The following CORIN variants were observed in gnomAD, a reference collection of about 807,000 sequenced individuals.
CORIN encodes the protein corin, serine peptidase.
Under a neutral mutation model 125.3 loss-of-function variants are expected in CORIN, and 117 were observed. The observed-to-expected ratio is 0.93, with a 90% CI of 0.80 to 1.09. The LOEUF is 1.09. Among genes scored for constraint, CORIN ranks in the 50% least tolerant of loss-of-function variants. The pLI, the probability that CORIN is intolerant of heterozygous loss-of-function variation, is 0.00. For missense variants in CORIN, 1,253 were observed against 1,306.7 expected (o/e 0.96, Z 0.63); for synonymous variants, 450 against 466.4 (o/e 0.96, Z 0.45).
chr4:47,603,553 G>A lies in CORIN; in HGVS notation c.2656C>T (p.Arg886Ter), dbSNP rs566304016. 2.8e-5 allele frequency: 45 copies of A among 1,614,154 alleles called. No individual in the cohort carries two copies. The highest frequency in any genetic ancestry group is 5.5e-5 in the South Asian group (5 of 91,082). ...KTIILHPRYSRAVVDYDISIV... is the reference protein window; with the variant it reads ...KTIILHPRYS Reference sequence around the variant, plus strand: ...CTGATGTCATAGTCCACCACTGCTCGACTGTAGCGGGGATGCAGGATGATG... The same window carrying A: ...CTGATGTCATAGTCCACCACTGCTCAACTGTAGCGGGGATGCAGGATGATG... The change falls in exon 20 of 22, where the codon CGA becomes TGA. Residue 886 changes from arginine to a stop codon, truncating the protein, a stop_gained. Coordinates refer to ENST00000273857, the MANE Select transcript of CORIN (RefSeq NM_006587.4). LOFTEE classifies it high-confidence loss of function.
intron 1 of CORIN, among the ~76,000 whole-genome samples, chr4:47,820,638 C>A (rs1350553382): frequency 6.6e-6 from 1 of 151,786 alleles, no homozygotes; most frequent in African/African-American, 2.4e-5. Flanking sequence ...CTATCAGAAG[C>A]AAACCAAAAC....
intron 5 of CORIN, among the ~76,000 whole-genome samples, chr4:47,730,871 C>T (rs187959039): frequency 6.6e-6 from 1 of 152,154 alleles, no homozygotes; most frequent in Admixed American, 6.5e-5. Context: ...CCTTTCTCTG[C>T]TGTGTGCATA....
chr4:47,618,569 C>T (rs1338572171), intron 19 of CORIN, among the ~76,000 whole-genome samples: 3 of 152,000 alleles, frequency 2.0e-5, no homozygotes, highest in East Asian at 3.9e-4. Context: ...CCTGTAATCC[C>T]AGCACTTTGG....
At chr4:47,698,920 A>G (rs1040055089) in intron 5 of CORIN, among the ~76,000 whole-genome samples, 1 of 152,240 alleles carries the variant, frequency 6.6e-6, no homozygotes, top group Non-Finnish European at 1.5e-5. Context: ...GTACAGTAAC[A>G]TACTGTATAG....
chr4:47,619,008 C>T (rs1177577831), intron 19 of CORIN, among the ~76,000 whole-genome samples: 4 of 152,012 alleles, frequency 2.6e-5, no homozygotes, highest in African/African-American at 7.3e-5. Context: ...CAGTTTTTCA[C>T]GTGGGTTTCC....
intron 3 of CORIN, among the ~76,000 whole-genome samples, chr4:47,785,957 A>T (rs1375075131): frequency 6.6e-6 from 1 of 152,036 alleles, no homozygotes; most frequent in Non-Finnish European, 1.5e-5. Flanking sequence ...GCTCCCATTA[A>T]ATCACTCAGC....
Position 47,806,966 on chromosome 4 carries a change from G to T in CORIN, c.145C>A (p.Leu49Met), listed in dbSNP as rs763386848. The stretch of plus-strand genomic sequence containing the variant: ...GCACAGATACATGGAATCAGGACCA[G>T]CAATAGGAACCGGAGGAGGTTAGCA... The part of the protein sequence containing the change: ...ATANLLRFLL[L>M]VLIPCICALV... Residue 49 changes from leucine (L) to methionine (M), a missense_variant, in exon 2 of 22, where the codon CTG becomes ATG. Transcript: ENST00000273857. 5.0e-6 allele frequency: 8 copies of T among 1,613,884 alleles called. No homozygotes were observed. In the Middle Eastern group the frequency reaches 4.9e-4, roughly 100 times the overall value.
chr4:47,642,767 A>T (rs1347239357), intron 15 of CORIN: 1 of 1,224,244 alleles, frequency 8.2e-7, no homozygotes, highest in Non-Finnish European at 1.1e-6. Context: ...GAGTGTAGGG[A>T]AGGCAGAGGG....
intron 5 of CORIN, among the ~76,000 whole-genome samples, chr4:47,732,465 T>C (rs1372650503): frequency 6.6e-6 from 1 of 152,110 alleles, no homozygotes; most frequent in Non-Finnish European, 1.5e-5. Flanking sequence ...CTCACCCCTC[T>C]AGTAGACTAA....
chr4:47,716,617 T>C (rs1374769048), intron 5 of CORIN, among the ~76,000 whole-genome samples: 1 of 152,202 alleles, frequency 6.6e-6, no homozygotes, highest in Non-Finnish European at 1.5e-5. Flanking sequence ...CAATACAATA[T>C]TAAAGCACAC....
chr4:47,805,142 A>T (rs562113986), intron 2 of CORIN, among the ~76,000 whole-genome samples: 465 of 145,350 alleles, frequency 3.2e-3, no homozygotes, highest in African/African-American at 0.011. Flanking sequence ...TCTCAAAAAA[A>T]AAAAAAAATA....
chr4:47,706,590 C>T, intron 5 of CORIN: 1 of 1,605,422 alleles, frequency 6.2e-7, no homozygotes, highest in Admixed American at 1.7e-5. Context: ...GCCGAAAACG[C>T]CCAGTTCCTA....
At chr4:47,806,467 A>G (rs1477260476) in intron 2 of CORIN, among the ~76,000 whole-genome samples, 1 of 152,308 alleles carries the variant, frequency 6.6e-6, no homozygotes, top group East Asian at 1.9e-4. Flanking sequence ...CTAAATTTCT[A>G]TTAACTTAAT....
intron 9 of CORIN, among the ~76,000 whole-genome samples, chr4:47,677,143 A>G (rs892691479): frequency 6.6e-6 from 1 of 152,220 alleles, no homozygotes. Context: ...ACATATATTG[A>G]GTTTTTGCCA....
At position 47,757,884 on chromosome 4, in the gene CORIN, A is replaced by G. The variant is rs968095103; in HGVS notation, c.617+5495T>C. Among the ~76,000 whole-genome samples, 238 of 142,158 alleles carry G rather than the reference A, an allele frequency of 1.7e-3. 3 individuals carry two copies. Among genetic ancestry groups the G allele is most frequent in the African/African-American group, 5.5e-3 (210 of 37,968 alleles). 93.3% of individuals were successfully genotyped at this position (142,158 alleles called of 152,430 possible). A position where few individuals can be genotyped will look rare whatever the true frequency, so the allele number is the denominator to read the frequency against. On this transcript the variant is annotated intron_variant, in intron 4 of 21. Transcript: ENST00000273857. ...TATATATACATATATATATGTATATATATATATATATATATATATATACAC... is the reference window on the plus strand; with the variant it reads ...TATATATACATATATATATGTATATGTATATATATATATATATATATACAC...
intron 1 of CORIN, among the ~76,000 whole-genome samples, chr4:47,810,783 TC>T (rs750277400): frequency 1.3e-5 from 2 of 152,178 alleles, no homozygotes; most frequent in African/African-American, 2.4e-5. Context: ...CATAGGTGAC[TC>T]GCATCTTTAA....
Position 47,691,179 on chromosome 4 carries a change from A to G in CORIN, c.913+1791T>C, listed in dbSNP as rs371404496. ...GCAATGCTCAGTACTATTGAGGAAC[A>G]TATGATAAAAACCATAGTTGGCCCA... On this transcript the variant is annotated intron_variant, in intron 6 of 21. Transcript: ENST00000273857. Among the ~76,000 whole-genome samples, 4 of 152,356 alleles carry G rather than the reference A, an allele frequency of 2.6e-5. No individual in the cohort carries two copies. The East Asian group carries it at 7.7e-4, about 29-fold the overall frequency.
At chr4:47,804,608 G>A (rs1248645279) in intron 2 of CORIN, among the ~76,000 whole-genome samples, 2 of 151,534 alleles carry the variant, frequency 1.3e-5, no homozygotes, top group Non-Finnish European at 2.9e-5. Flanking sequence ...GTCAGACATA[G>A]AAAGACAAAC....
intron 5 of CORIN, among the ~76,000 whole-genome samples, chr4:47,722,625 C>A (rs572524743): frequency 1.3e-5 from 2 of 152,280 alleles, no homozygotes; most frequent in South Asian, 2.1e-4. Context: ...CACAAATAAA[C>A]CCCGAAAGCA....
Sources: allele counts gnomAD v4.1 joint callset (sites outside exome capture counted in the v4.1 genomes callset), GRCh38; gene constraint gnomAD v4.1.1; transcripts MANE v1.5; gene names NCBI Gene and HGNC (gene_info 2026-07-23, HGNC 2026-07-21).